The following DNAJC2 variants were observed in gnomAD, a reference collection of about 807,000 sequenced individuals.
DNAJC2 encodes the protein dnaJ homolog subfamily C member 2.
Under a neutral mutation model 94.0 loss-of-function variants are expected in DNAJC2, and 32 were observed. That is an observed-to-expected ratio of 0.34 (90% confidence interval 0.26 to 0.46). The LOEUF is 0.46. DNAJC2 is among the 20% of genes least tolerant of loss of function. DNAJC2 has a pLI of 1.00. For synonymous variants in DNAJC2, 210 were observed against 229.7 expected (o/e 0.91, Z 0.77); for missense variants, 550 against 719.5 (o/e 0.76, Z 2.69).
chr7:103,316,773 C>A, intron 13 of DNAJC2, 57 bp downstream of exon 13: 2 of 1,404,732 alleles, frequency 1.4e-6, no homozygotes, highest in Non-Finnish European at 2.0e-6. Context: ...TGGAGTCTGT[C>A]TACATTATCT....
intron 15 of DNAJC2, chr7:103,314,746 G>A (rs549301200): frequency 3.0e-6 from 2 of 672,808 alleles, no homozygotes; most frequent in African/African-American, 3.9e-5. Context: ...AACACTGTAA[G>A]TCTCATATCT....
rs1193196924 is a variant in DNAJC2 at position 103,312,628 on chromosome 7, C to T, written c.1807G>A (p.Val603Ile). ...MKRYKELVEM[V>I]KAKKAAQEQV... ...TCTTGAGCAGCTTTCTTTGCTTTTA[C>T]CATCTCGACAAGTTCCTAGGAAGGG... Residue 603 changes from valine (V) to isoleucine (I), a missense_variant, in exon 17 of 17, where the codon GTA becomes ATA. Around this residue, in one of 2 missense-constraint regions of DNAJC2, gnomAD observed 271 missense variants for 302.6 expected, o/e 0.90. Transcript: ENST00000379263. 3 of 1,613,316 alleles carry T rather than the reference C, an allele frequency of 1.9e-6. No individual in the cohort carries two copies. Among genetic ancestry groups the T allele is most frequent in the Non-Finnish European group, 1.7e-6 (2 of 1,179,784 alleles).
At chr7:103,323,547 T>TA in intron 7 of DNAJC2, 51 bp downstream of exon 7, 1 of 1,397,700 alleles carries the variant, frequency 7.2e-7, no homozygotes, top group South Asian at 1.4e-5. Flanking sequence ...TCATCACAAA[T>TA]ACCAGAGAAC....
chr7:103,325,715 G>T (rs1207322474), intron 5 of DNAJC2, among the ~76,000 whole-genome samples: 1 of 151,048 alleles, frequency 6.6e-6, no homozygotes, highest in Non-Finnish European at 1.5e-5. Flanking sequence ...CAATGCAGAT[G>T]GAAAAAAAAG....
intron 15 of DNAJC2, chr7:103,313,714 T>G: frequency 2.0e-6 from 2 of 985,378 alleles, no homozygotes; most frequent in Non-Finnish European, 2.4e-6. Context: ...TTCCAATAAC[T>G]GCTATTGTGG....
At chr7:103,334,492 C>G (rs1007429078) in intron 3 of DNAJC2, among the ~76,000 whole-genome samples, 3 of 151,656 alleles carry the variant, frequency 2.0e-5, no homozygotes, top group Admixed American at 6.6e-5. Context: ...AGGAGAACCA[C>G]TTGAACCCTG....
intron 3 of DNAJC2, among the ~76,000 whole-genome samples, chr7:103,333,390 TG>T (rs1819047441): frequency 6.6e-6 from 1 of 152,184 alleles, no homozygotes; most frequent in South Asian, 2.1e-4. Flanking sequence ...CTTACTTTTG[TG>T]GAAAAAAAGT....
chr7:103,320,381 C>T (rs918196772), intron 10 of DNAJC2, among the ~76,000 whole-genome samples: 5 of 152,174 alleles, frequency 3.3e-5, no homozygotes, highest in South Asian at 2.1e-4. Context: ...CCACCGCGCC[C>T]GGCTGTTTTT....
Position 103,312,655 on chromosome 7 carries a change from G to C in DNAJC2, c.1792-12C>G. 6.2e-7 allele frequency: 1 copy of C among 1,610,404 alleles called. No homozygotes were observed. The highest frequency in any genetic ancestry group is 8.5e-7 in the Non-Finnish European group (1 of 1,179,080). The stretch of plus-strand genomic sequence containing the variant: ...ATCTCGACAAGTTCCTAGGAAGGGA[G>C]AAAGGTGTGATTTAAGAAGTTGCGA... On this transcript the variant is annotated splice_polypyrimidine_tract_variant and intron_variant, in intron 16 of 16. Transcript: ENST00000379263.
Position 103,327,710 on chromosome 7 carries a change from C to A in DNAJC2, c.376G>T (p.Ala126Ser). The change falls in exon 4 of 17, where the codon GCT becomes TCT. Residue 126 changes from alanine (A) to serine (S), a missense_variant. By Grantham distance (99) the Ala-to-Ser change is moderately conservative. This residue lies in a region of DNAJC2 where 279 missense variants were observed against 416.9 expected (regional missense o/e 0.67). Transcript: ENST00000379263. ...TCTCCTTCTTTTATTGGTTCACCAG[C>A]TGCTTTCCGTTTGTCTGGGTGATGT... ...LKHHPDKRKA[A>S]GEPIKEGDND... 2.5e-6 allele frequency: 4 copies of A among 1,613,702 alleles called. No individual in the cohort carries two copies. The highest frequency in any genetic ancestry group is 3.4e-6 in the Non-Finnish European group (4 of 1,179,850).
chr7:103,337,066 T>C (rs932446336), intron 3 of DNAJC2: 1 of 152,160 alleles, frequency 6.6e-6, no homozygotes, highest in Non-Finnish European at 1.5e-5. Context: ...GGCAGAACAT[T>C]CTCCTAAGAT....
At chr7:103,327,805 A>G (rs1818786050) in intron 3 of DNAJC2, 51 bp from the exon 4 acceptor site, 1 of 1,192,020 alleles carries the variant, frequency 8.4e-7, no homozygotes, top group African/African-American at 1.5e-5. Context: ...CACCAAAAAT[A>G]AAGATGAGCT....
chr7:103,328,215 C>T (rs1818809485), intron 3 of DNAJC2, among the ~76,000 whole-genome samples: 1 of 152,078 alleles, frequency 6.6e-6, no homozygotes, highest in African/African-American at 2.4e-5. Context: ...AGCCACTGAG[C>T]CCGGCTTGAA....
chr7:103,325,130 T>C (rs547734532), intron 5 of DNAJC2, among the ~76,000 whole-genome samples: 1 of 152,270 alleles, frequency 6.6e-6, no homozygotes, highest in South Asian at 2.1e-4. Context: ...CTACTACTTT[T>C]TACCACCTCA....
chr7:103,334,173 G>A (rs528320885), intron 3 of DNAJC2, among the ~76,000 whole-genome samples: 26 of 151,950 alleles, frequency 1.7e-4, no homozygotes, highest in African/African-American at 5.8e-4. Flanking sequence ...GGATGGTCTC[G>A]ATCTCCTGAC....
Position 103,319,626 on chromosome 7 carries a change from C to A in DNAJC2, c.1225G>T (p.Ala409Ser), listed in dbSNP as rs1337715485. ...LTSCTKEVGK[A>S]ALEKQIEEIN... ...TCTATTACCTGTTTTTCCAAAGCAGCCTTTCCTACTTCTTTTGTGCATGAT... is the reference window on the plus strand; with the variant it reads ...TCTATTACCTGTTTTTCCAAAGCAGACTTTCCTACTTCTTTTGTGCATGAT... Residue 409 changes from alanine (A) to serine (S), a missense_variant, in exon 12 of 17, where the codon GCT (alanine) becomes TCT (serine). Ala to Ser is a moderately conservative substitution (Grantham distance 99, BLOSUM62 1). Around this residue, in one of 2 missense-constraint regions of DNAJC2, gnomAD observed 271 missense variants for 302.6 expected, o/e 0.90. Transcript: ENST00000379263. 4 of 1,613,956 alleles carry A rather than the reference C, an allele frequency of 2.5e-6. No homozygotes were observed. Among genetic ancestry groups the A allele is most frequent in the Non-Finnish European group, 3.4e-6 (4 of 1,180,000 alleles).
chr7:103,317,051 A>C, intron 12 of DNAJC2, 37 bp from the exon 13 acceptor site: 1 of 1,550,522 alleles, frequency 6.4e-7, no homozygotes, highest in Non-Finnish European at 8.8e-7. Context: ...TTAGAAGTAT[A>C]CTGTATTGCT....
intron 12 of DNAJC2, among the ~76,000 whole-genome samples, chr7:103,318,750 TCTAA>T (rs747871204): frequency 2.0e-5 from 3 of 152,248 alleles, no homozygotes; most frequent in African/African-American, 7.2e-5. Context: ...CTCTTTTGGT[TCTAA>T]CTGTTATTAC....
intron 7 of DNAJC2, among the ~76,000 whole-genome samples, 170 bp downstream of exon 7, chr7:103,323,428 G>A (rs1330047314): frequency 4.0e-5 from 6 of 151,660 alleles, no homozygotes; most frequent in Non-Finnish European, 7.4e-5. Flanking sequence ...TATTGATCTG[G>A]GCCCACCTAG....
Sources: allele counts gnomAD v4.1 joint callset (sites outside exome capture counted in the v4.1 genomes callset), GRCh38; gene constraint gnomAD v4.1.1; regional missense constraint gnomAD v4.1.1; transcripts MANE v1.5; gene names NCBI Gene and HGNC (gene_info 2026-07-23, HGNC 2026-07-21).